The following ZNF185 variants were observed in gnomAD, a reference collection of about 807,000 sequenced individuals.
The protein encoded by ZNF185 is zinc finger protein 185.
In ZNF185, 56 loss-of-function variants were observed where a neutral mutation model predicts 58.6. That is an observed-to-expected ratio of 0.95 (90% confidence interval 0.77 to 1.19). The LOEUF is 1.19. ZNF185 is among the 50% of genes most tolerant of loss of function. The probability of loss-of-function intolerance (pLI) is 0.00; values close to 1 mark genes in which losing one functional copy is unlikely to be tolerated. For synonymous variants in ZNF185, 230 were observed against 215.9 expected (o/e 1.07, Z -0.57); for missense variants, 627 against 573.5 (o/e 1.09, Z -0.95).
chrX:152,936,127 A>G (rs1238456017), intron 14 of ZNF185, among the ~76,000 whole-genome samples: 1 of 112,332 alleles, frequency 8.9e-6, no homozygotes, highest in African/African-American at 3.2e-5. Context: ...TAGCATCCCT[A>G]TTTCATTGAT....
chrX:152,918,787 G>A (rs1556867778), intron 6 of ZNF185, among the ~76,000 whole-genome samples, 196 bp from the exon 8 acceptor site: 1 of 111,556 alleles, frequency 9.0e-6, no homozygotes, highest in African/African-American at 3.3e-5. Context: ...GGGAGCTGCT[G>A]GGTAACCTTT....
At chrX:152,905,712 T>C in the ZNF185 span, among the ~76,000 whole-genome samples, 1 of 80,303 alleles carries the variant, frequency 1.2e-5, no homozygotes, top group Admixed American at 1.2e-4. Context: ...TCAGACAGGC[T>C]TGGGGGGGGG....
At chrX:152,909,940 C>T (rs916219368), upstream of ZNF185, among the ~76,000 whole-genome samples, 3 of 99,624 alleles carry the variant, frequency 3.0e-5, no homozygotes, top group South Asian at 1.6e-3. Context: ...TGGAGTCTCA[C>T]TCTGCTGCCC....
chrX:152,962,454 A>G (rs951008455), intron 17 of ZNF185, among the ~76,000 whole-genome samples: 1 of 111,731 alleles, frequency 9.0e-6, no homozygotes, highest in Admixed American at 9.4e-5. Flanking sequence ...TTCTGCTGAC[A>G]TGGATCACAG....
intron 5 of ZNF185, 26 bp downstream of exon 6, chrX:152,917,388 C>T (rs1938715395): frequency 8.3e-7 from 1 of 1,202,670 alleles, no homozygotes; most frequent in East Asian, 3.0e-5. Context: ...GTTGGCCAGT[C>T]GGCCAGTGGG....
chrX:152,903,766 GA>G, the ZNF185 span, among the ~76,000 whole-genome samples: 3 of 111,693 alleles, frequency 2.7e-5, no homozygotes, highest in African/African-American at 9.8e-5. Flanking sequence ...CTGAGAACGA[GA>G]AAATGGGCGC....
At chrX:152,906,740 C>A in the ZNF185 span, among the ~76,000 whole-genome samples, 1 of 111,079 alleles carries the variant, frequency 9.0e-6, no homozygotes, top group Non-Finnish European at 1.9e-5. Context: ...TGCAAAGCAT[C>A]CCAATTCACC....
chrX:152,898,108 A>C, the ZNF185 span, among the ~76,000 whole-genome samples: 21 of 104,097 alleles, frequency 2.0e-4, no homozygotes, highest in African/African-American at 5.4e-4. Context: ...CCCGCTGTGC[A>C]CCGCGCCCCG....
chrX:152,938,078 A>C, exon 15 of ZNF185: 3 of 1,177,235 alleles, frequency 2.5e-6, no homozygotes, highest in Non-Finnish European at 3.4e-6. Context: ...CCTCAGCTCC[A>C]GTGCCACTTC....
chrX:152,970,281 G>A (rs1475234633), intron 21 of ZNF185, among the ~76,000 whole-genome samples, 162 bp from the exon 24 acceptor site: 2 of 111,278 alleles, frequency 1.8e-5, no homozygotes, highest in Non-Finnish European at 3.8e-5. Flanking sequence ...ATTTTGTGAT[G>A]TTTTTTGTAT....
chrX:152,954,123 AC>A (rs1556902344), intron 16 of ZNF185, among the ~76,000 whole-genome samples: 1 of 110,438 alleles, frequency 9.1e-6, no homozygotes, highest in Non-Finnish European at 1.9e-5. Flanking sequence ...AATACAAAAA[AC>A]ATCACAAAAT....
At chrX:152,964,568 G>A (rs1404482750) in intron 18 of ZNF185, among the ~76,000 whole-genome samples, 2 of 111,976 alleles carry the variant, frequency 1.8e-5, no homozygotes, top group African/African-American at 6.5e-5. Flanking sequence ...AGGGGATGGT[G>A]CTAGCTGTTC....
chrX:152,942,222 C>T (rs1007548152), intron 15 of ZNF185, among the ~76,000 whole-genome samples: 12 of 112,142 alleles, frequency 1.1e-4, no homozygotes, highest in Non-Finnish European at 1.9e-4. Flanking sequence ...ACAGTTTTAA[C>T]TGTCCCAAAC....
chrX:152,946,594 G>A lies in ZNF185; in HGVS notation c.1409+1130G>A, dbSNP rs920155966. Reference sequence around the variant, plus strand: ...TAAAAAGTGAGGCTTGTGGATGAAGGAGGAGGCGAGTGGTTCTGGGTTTTG... The same window carrying A: ...TAAAAAGTGAGGCTTGTGGATGAAGAAGGAGGCGAGTGGTTCTGGGTTTTG... On this transcript the variant is annotated intron_variant, in intron 16 of 22. Coordinates refer to ENST00000449285, the Ensembl canonical transcript of ZNF185. 6.3e-5 allele frequency among the ~76,000 whole-genome samples: 7 copies of A among 111,604 alleles called. No homozygotes were observed. The South Asian group carries it at 2.7e-3, about 42-fold the overall frequency.
intron 15 of ZNF185, among the ~76,000 whole-genome samples, chrX:152,944,810 C>T (rs1421727612): frequency 9.4e-6 from 1 of 106,497 alleles, no homozygotes; most frequent in Non-Finnish European, 2.0e-5. Flanking sequence ...CATGGTGAAA[C>T]CTTGTCTCTA....
chrX:152,910,941 A>G (rs946757717), upstream of ZNF185, among the ~76,000 whole-genome samples: 13 of 112,019 alleles, frequency 1.2e-4, no homozygotes, highest in Non-Finnish European at 1.1e-4. Context: ...GGGCTGGACA[A>G]GGGGAGGGGA....
At chrX:152,909,338 G>A in the ZNF185 span, among the ~76,000 whole-genome samples, 1 of 112,413 alleles carries the variant, frequency 8.9e-6, no homozygotes, top group African/African-American at 3.2e-5. Context: ...AGCCATAACC[G>A]GTCCCTGTAC....
intron 14 of ZNF185, 121 bp from the exon 17 acceptor site, chrX:152,937,953 C>T: frequency 1.6e-6 from 1 of 628,901 alleles, no homozygotes; most frequent in Non-Finnish European, 2.4e-6. Flanking sequence ...ACTGAGACAC[C>T]AGCCTTTACT....
At chrX:152,963,185 G>A (rs2049723224) in intron 17 of ZNF185, among the ~76,000 whole-genome samples, 1 of 113,051 alleles carries the variant, frequency 8.8e-6, no homozygotes, top group African/African-American at 3.2e-5. Context: ...TAGCCTGGGG[G>A]CAGGCAGAGT....
Sources: allele counts gnomAD v4.1 joint callset (sites outside exome capture counted in the v4.1 genomes callset), GRCh38; gene constraint gnomAD v4.1.1; transcripts MANE v1.5; gene names NCBI Gene and HGNC (gene_info 2026-07-23, HGNC 2026-07-21).